ZNF483: variants seen among roughly 807,000 people sequenced by gnomAD.
The protein encoded by ZNF483 is zinc finger protein HIT-10.
In ZNF483, 9 loss-of-function variants were observed where a neutral mutation model predicts 28.6. The ratio of observed to expected loss-of-function variants is 0.32; its 90% CI spans 0.19 to 0.55. The LOEUF (loss-of-function observed/expected upper bound fraction) is 0.55, where lower values mean the gene tolerates loss of function less well. Among genes scored for constraint, ZNF483 ranks in the 20% least tolerant of loss-of-function variants. ZNF483 has a pLI of 0.93. For synonymous variants in ZNF483, 322 were observed against 306.2 expected, an observed-to-expected ratio of 1.05 and a Z score of -0.54; for missense variants, 675 against 871.7, an observed-to-expected ratio of 0.77 and a Z score of 2.84.
intron 5 of ZNF483, among the ~76,000 whole-genome samples, chr9:111,560,974 T>TAGAGAGAG (rs1172194603): frequency 1.1e-4 from 1 of 9,334 alleles, no homozygotes; most frequent in Non-Finnish European, 1.9e-4. Context: ...TATATATATA[T>TAGAGAGAG]AGAGAGAGAG....
At chr9:111,525,408 C>T (rs1037442358) in intron 1 of ZNF483, 146 bp downstream of exon 1, 2 of 152,298 alleles carry the variant, frequency 1.3e-5, no homozygotes, top group Admixed American at 6.5e-5. Flanking sequence ...GGTGCGCACT[C>T]CGCTGCGGGA....
intron 5 of ZNF483, 53 bp downstream of exon 5, chr9:111,534,406 G>A (rs1002562315): frequency 1.4e-6 from 2 of 1,461,248 alleles, no homozygotes; most frequent in African/African-American, 1.4e-5. Context: ...TAGCAAGTCT[G>A]TTGAGAAGAC....
At chr9:111,561,462 G>A (rs1828320483) in intron 5 of ZNF483, among the ~76,000 whole-genome samples, 1 of 151,760 alleles carries the variant, frequency 6.6e-6, no homozygotes, top group South Asian at 2.1e-4. Flanking sequence ...TTGCAGATGT[G>A]GGGTATTGTC....
At chr9:111,563,134 A>G (rs1271662055) in intron 5 of ZNF483, 5 of 1,613,732 alleles carry the variant, frequency 3.1e-6, no homozygotes, top group Non-Finnish European at 3.4e-6. Context: ...TGCTTTCACT[A>G]TTGTCTTCCC....
intron 5 of ZNF483, among the ~76,000 whole-genome samples, chr9:111,575,936 T>C (rs1267996098): frequency 2.0e-5 from 3 of 152,082 alleles, no homozygotes; most frequent in Admixed American, 6.5e-5. Context: ...CTTCAAAGAA[T>C]ACCATCAAGA....
chr9:111,540,749 T>G (rs114990771), intron 5 of ZNF483, among the ~76,000 whole-genome samples: 2,136 of 152,298 alleles, frequency 0.014, 46 homozygotes, highest in African/African-American at 0.048. Flanking sequence ...AAATTAGTGT[T>G]ATTTGTTTGC....
chr9:111,564,277 TTTATTATTATTATTATTATTA>T (rs3031175), intron 5 of ZNF483: 1 of 485,730 alleles, frequency 2.1e-6, no homozygotes, highest in Admixed American at 6.1e-5. Flanking sequence ...AATTTAAACT[TTTATTATTATTATTATTATTA>T]TTATTATTAT....
Position 111,554,321 on chromosome 9 carries a change from C to T in ZNF483, c.*11151C>T, listed in dbSNP as rs1335453070. ...CTCTGTCTTAGAAGTCACTTCTACTCTTCCGTTGCCCAGAGATCAATCATA... is the reference window on the plus strand; with the variant it reads ...CTCTGTCTTAGAAGTCACTTCTACTTTTCCGTTGCCCAGAGATCAATCATA... On this transcript the variant is annotated 3_prime_UTR_variant, in exon 6 of 6. Coordinates refer to ENST00000309235, the MANE Select transcript of ZNF483 (RefSeq NM_133464.5). Among the ~76,000 whole-genome samples, 3 of 152,226 alleles carry T rather than the reference C, an allele frequency of 2.0e-5. No individual in the cohort carries two copies. Among genetic ancestry groups the T allele is most frequent in the African/African-American group, 7.2e-5 (3 of 41,462 alleles).
chr9:111,551,409 T>G lies in ZNF483; in HGVS notation c.*8239T>G, dbSNP rs1004247043. 3.9e-3 allele frequency among the ~76,000 whole-genome samples: 522 copies of G among 134,590 alleles called. 3 individuals are homozygous for G. The highest frequency in any genetic ancestry group is 0.013 in the African/African-American group (441 of 33,452). 88.3% of individuals were successfully genotyped at this position (134,590 alleles called of 152,430 possible). On this transcript the variant is annotated 3_prime_UTR_variant, in exon 6 of 6. Transcript: ENST00000309235. ...CAAGTATCCAGTTTTTGTTTTTTTT[T>G]TTTTTTTTTTTTTTTTGAGATGGAG...
At chr9:111,558,397 G>A (rs1490408833), downstream of ZNF483, among the ~76,000 whole-genome samples, 1 of 152,082 alleles carries the variant, frequency 6.6e-6, no homozygotes, top group Non-Finnish European at 1.5e-5. Flanking sequence ...GATGCTCCAG[G>A]CTGGGCATGG....
Position 111,533,673 on chromosome 9 carries a change from A to G in ZNF483, c.502-66A>G, listed in dbSNP as rs1827404805. On this transcript the variant is annotated intron_variant, in intron 3 of 5. Coordinates refer to ENST00000309235, the MANE Select transcript of ZNF483 (RefSeq NM_133464.5). ...GACAGAGCCATAATAGCCTGTCTCA[A>G]AAAAAAAAAGTACTTAGGTTCTATT... 23 of 1,393,218 alleles carry G rather than the reference A, an allele frequency of 1.7e-5. No individual in the cohort carries two copies. The Middle Eastern group carries it at 9.9e-4, about 60-fold the overall frequency. The allele number at this position is 1,393,218 out of a possible 1,614,324, so 86.3% of individuals were successfully genotyped here. A position where few individuals can be genotyped will look rare whatever the true frequency, so the allele number is the denominator to read the frequency against.
Position 111,542,133 on chromosome 9 carries a change from A to T in ZNF483, c.1198A>T (p.Ile400Phe). The T allele has an allele frequency of 6.2e-7, 1 of 1,614,124 alleles. No homozygotes were observed. The highest frequency in any genetic ancestry group is 8.5e-7 in the Non-Finnish European group (1 of 1,180,034). Residue 400 changes from isoleucine (I) to phenylalanine (F), a missense_variant, in exon 6 of 6, where the codon ATT becomes TTT. Ile to Phe is a conservative substitution (Grantham distance 21). Transcript: ENST00000309235. This position sits in a 1 kb window ranked among gnomAD's most constrained non-coding sequence, Gnocchi z 6.2. ...ATGCAGTAAGTGTGGGATAATCTTT[A>T]TTAGAAGATCAACTCTTTCTAGGAG... is the stretch of plus-strand genomic sequence containing the variant. ...QKCSKCGIIFIRRSTLSRRKT... is the reference protein window; with the variant it reads ...QKCSKCGIIFFRRSTLSRRKT...
At chr9:111,526,629 G>A (rs974541550) in intron 1 of ZNF483, among the ~76,000 whole-genome samples, 15 of 152,192 alleles carry the variant, frequency 9.9e-5, no homozygotes, top group Admixed American at 9.2e-4. Context: ...GGGCTTCTGA[G>A]TTGAGCAACT....
intron 4 of ZNF483, 70 bp downstream of exon 4, chr9:111,533,935 GT>G: frequency 6.4e-7 from 1 of 1,556,020 alleles, no homozygotes; most frequent in Non-Finnish European, 8.6e-7. Context: ...TTATTGAAAG[GT>G]AAGTGCTGTG....
chr9:111,569,273 C>T (rs993568682), intron 5 of ZNF483, among the ~76,000 whole-genome samples: 13 of 152,090 alleles, frequency 8.5e-5, no homozygotes, highest in African/African-American at 3.1e-4. Context: ...TGACCATGAC[C>T]TGGGGCACTC....
At chr9:111,535,857 T>C (rs911364908) in intron 5 of ZNF483, among the ~76,000 whole-genome samples, 6 of 151,434 alleles carry the variant, frequency 4.0e-5, no homozygotes, top group Non-Finnish European at 7.4e-5. Flanking sequence ...GATTAGGTTT[T>C]TTTATACTTA....
downstream of ZNF483, among the ~76,000 whole-genome samples, chr9:111,557,474 C>T (rs1331706255): frequency 1.3e-5 from 2 of 151,456 alleles, no homozygotes; most frequent in Non-Finnish European, 2.9e-5. Context: ...GAGATGGAGT[C>T]TCGCTCTGTC....
chr9:111,562,726 A>G (rs536539582), intron 5 of ZNF483: 5 of 175,230 alleles, frequency 2.9e-5, no homozygotes, highest in Admixed American at 1.2e-4. Flanking sequence ...GGCATTAGCT[A>G]TTTATCCTGA....
At chr9:111,526,038 G>T (rs1342588980) in intron 1 of ZNF483, among the ~76,000 whole-genome samples, 3 of 152,104 alleles carry the variant, frequency 2.0e-5, no homozygotes, top group Non-Finnish European at 4.4e-5. Flanking sequence ...CCCTGGTCTC[G>T]TTCCAGCTCA....
Sources: allele counts gnomAD v4.1 joint callset (sites outside exome capture counted in the v4.1 genomes callset), GRCh38; gene constraint gnomAD v4.1.1; non-coding constraint Gnocchi (gnomAD v3.1); transcripts MANE v1.5; gene names NCBI Gene and HGNC (gene_info 2026-07-23, HGNC 2026-07-21).